PTPRO: variants seen among roughly 807,000 people sequenced by gnomAD.
PTPRO encodes the protein receptor-type tyrosine-protein phosphatase O.
In PTPRO, 62 loss-of-function variants were observed where a neutral mutation model predicts 145.2. The ratio of observed to expected loss-of-function variants is 0.43; its 90% CI spans 0.35 to 0.53. The LOEUF (loss-of-function observed/expected upper bound fraction) is 0.53, where lower values mean the gene tolerates loss of function less well. Ranked by LOEUF, PTPRO falls within the 20% of genes least tolerant of loss-of-function variation. PTPRO has a pLI of 0.01. For synonymous variants in PTPRO, 565 were observed against 514.7 expected, an observed-to-expected ratio of 1.10 and a Z score of -1.32; for missense variants, 1,345 against 1,482.7, an observed-to-expected ratio of 0.91 and a Z score of 1.53.
At position 15,557,555 on chromosome 12, in the gene PTPRO, A is replaced by G. The variant is rs58286879; in HGVS notation, c.2627+32A>G. On this transcript the variant is annotated intron_variant, in intron 16 of 26. Coordinates refer to ENST00000281171, the MANE Select transcript of PTPRO (RefSeq NM_030667.3). ...ATTGTTTTGGAACAAGCTTCTACAT[A>G]GTTTAACTATGCTGTGTGTGCTCCA... The G allele has an allele frequency of 1.2e-3, 1,869 of 1,587,948 alleles. 30 individuals carry two copies. The East Asian group carries it at 0.039, about 33-fold the overall frequency.
At chr12:15,335,479 G>T (rs1866733319) in intron 1 of PTPRO, among the ~76,000 whole-genome samples, 1 of 152,002 alleles carries the variant, frequency 6.6e-6, no homozygotes, top group Non-Finnish European at 1.5e-5. Context: ...CATTGCCATG[G>T]GGGAATTTCC....
chr12:15,472,318 T>C (rs1941560898), intron 1 of PTPRO, among the ~76,000 whole-genome samples: 1 of 152,230 alleles, frequency 6.6e-6, no homozygotes, highest in Non-Finnish European at 1.5e-5. Flanking sequence ...TTATTCTGCA[T>C]ACTCCTAATT....
chr12:15,429,960 G>A (rs907577795), intron 1 of PTPRO, among the ~76,000 whole-genome samples: 17 of 152,010 alleles, frequency 1.1e-4, no homozygotes, highest in African/African-American at 3.6e-4. Flanking sequence ...GATGGGTGGT[G>A]GACCATTTAT....
At chr12:15,383,911 G>A (rs966876188) in intron 1 of PTPRO, among the ~76,000 whole-genome samples, 18 of 152,092 alleles carry the variant, frequency 1.2e-4, no homozygotes, top group East Asian at 3.9e-4. Flanking sequence ...TTCAAAATAC[G>A]TCAAAGAAAT....
chr12:15,547,737 A>G (rs897479880), intron 13 of PTPRO, among the ~76,000 whole-genome samples: 6 of 152,198 alleles, frequency 3.9e-5, no homozygotes, highest in African/African-American at 1.2e-4. Flanking sequence ...TAAGAAAACA[A>G]TGGTTAGTTA....
intron 1 of PTPRO, among the ~76,000 whole-genome samples, chr12:15,360,883 T>TATATAC (rs1565585664): frequency 1.3e-4 from 17 of 135,498 alleles, no homozygotes; most frequent in African/African-American, 1.9e-4. Flanking sequence ...TATACACACA[T>TATATAC]ACACATGTGT....
At chr12:15,428,876 T>C (rs1457536) in intron 1 of PTPRO, among the ~76,000 whole-genome samples, 68,814 of 151,892 alleles carry the variant, frequency 0.45, 16,803 homozygotes, top group South Asian at 0.61. Context: ...AAGGAGAAGA[T>C]GATTGCCAAA....
chr12:15,408,350 G>T (rs1019007069), intron 1 of PTPRO, among the ~76,000 whole-genome samples: 1 of 152,216 alleles, frequency 6.6e-6, no homozygotes, highest in African/African-American at 2.4e-5. Flanking sequence ...TGGCCATAGT[G>T]TTACTTTACC....
chr12:15,457,920 T>G (rs767719516), intron 1 of PTPRO, among the ~76,000 whole-genome samples: 3 of 152,194 alleles, frequency 2.0e-5, no homozygotes, highest in Non-Finnish European at 4.4e-5. Flanking sequence ...AGTGTTCTGT[T>G]TTGTCTATAT....
At chr12:15,533,913 G>T (rs1943016196) in intron 12 of PTPRO, among the ~76,000 whole-genome samples, 1 of 152,094 alleles carries the variant, frequency 6.6e-6, no homozygotes, top group African/African-American at 2.4e-5. Flanking sequence ...GTCATGGAGG[G>T]TAGGTTCTAC....
At chr12:15,407,229 A>C (rs1345831333) in intron 1 of PTPRO, among the ~76,000 whole-genome samples, 2 of 152,172 alleles carry the variant, frequency 1.3e-5, no homozygotes, top group Non-Finnish European at 2.9e-5. Flanking sequence ...TTGTTAACTC[A>C]GCATTATTTA....
At chr12:15,568,610 A>C (rs1433334741) in intron 18 of PTPRO, among the ~76,000 whole-genome samples, 5 of 152,186 alleles carry the variant, frequency 3.3e-5, no homozygotes, top group African/African-American at 1.2e-4. Flanking sequence ...TTTAGAGAGC[A>C]AATTGGTTTA....
chr12:15,428,056 G>A (rs1021298521), intron 1 of PTPRO, among the ~76,000 whole-genome samples: 1 of 152,114 alleles, frequency 6.6e-6, no homozygotes, highest in Non-Finnish European at 1.5e-5. Context: ...CCCTGACTAG[G>A]AGAGAGAAAT....
intron 1 of PTPRO, among the ~76,000 whole-genome samples, chr12:15,399,285 A>G (rs2136296830): frequency 6.6e-6 from 1 of 152,354 alleles, no homozygotes; most frequent in Non-Finnish European, 1.5e-5. Context: ...ACATATATTA[A>G]CATATGTAGT....
At chr12:15,428,514 C>A (rs1040535437) in intron 1 of PTPRO, among the ~76,000 whole-genome samples, 3 of 151,708 alleles carry the variant, frequency 2.0e-5, no homozygotes, top group Non-Finnish European at 4.4e-5. Flanking sequence ...TAAGAGTACC[C>A]CAAAGTACTT....
chr12:15,424,581 A>T (rs1940232435), intron 1 of PTPRO, among the ~76,000 whole-genome samples: 1 of 152,100 alleles, frequency 6.6e-6, no homozygotes, highest in Non-Finnish European at 1.5e-5. Flanking sequence ...TAAACGAATC[A>T]GGAGATGGTG....
intron 1 of PTPRO, among the ~76,000 whole-genome samples, chr12:15,471,596 T>C (rs2136417151): frequency 6.6e-6 from 1 of 152,328 alleles, no homozygotes; most frequent in East Asian, 1.9e-4. Flanking sequence ...ATGCTCTTTG[T>C]TATGTCATCA....
intron 1 of PTPRO, among the ~76,000 whole-genome samples, chr12:15,327,618 T>C (rs1314148084): frequency 6.6e-6 from 1 of 152,232 alleles, no homozygotes; most frequent in African/African-American, 2.4e-5. Flanking sequence ...AACTCTTCTA[T>C]AGTCATCTTA....
intron 1 of PTPRO, among the ~76,000 whole-genome samples, chr12:15,450,766 C>T (rs1941024222): frequency 6.6e-6 from 1 of 151,848 alleles, no homozygotes. Flanking sequence ...GAGTTACATG[C>T]TGTCTCAAAA....
Sources: gnomAD v4.1 joint callset for allele counts (sites outside exome capture counted in the v4.1 genomes callset) on GRCh38, gnomAD v4.1.1 for gene constraint, MANE v1.5 for transcripts, NCBI Gene and HGNC (gene_info 2026-07-23, HGNC 2026-07-21) for gene names.